ZFPM2: variants seen among roughly 807,000 people sequenced by gnomAD.
ZFPM2 encodes zinc finger protein, FOG family member 2.
A neutral mutation model predicts 98.6 loss-of-function variants in ZFPM2; 20 were observed. That is an observed-to-expected ratio of 0.20 (90% CI 0.14 to 0.29). The LOEUF (loss-of-function observed/expected upper bound fraction) is 0.29. ZFPM2 is among the 10% of genes least tolerant of loss of function. The pLI, the probability that ZFPM2 is intolerant of heterozygous loss-of-function variation, is 1.00. For missense variants in ZFPM2, 1,310 were observed against 1,388.6 expected (o/e 0.94, Z 0.90); for synonymous variants, 518 against 502.7 (o/e 1.03, Z -0.41).
At chr8:105,609,167 T>C (rs1002169010) in intron 4 of ZFPM2, among the ~76,000 whole-genome samples, 6 of 151,972 alleles carry the variant, frequency 3.9e-5, no homozygotes, top group African/African-American at 1.4e-4. Context: ...GCGAGGTTAA[T>C]TGGGAAATGC....
At chr8:105,669,706 A>T (rs1489593183) in intron 5 of ZFPM2, among the ~76,000 whole-genome samples, 3 of 152,112 alleles carry the variant, frequency 2.0e-5, no homozygotes, top group Admixed American at 1.3e-4. Context: ...GGCAATATTT[A>T]CAAATATTAT....
chr8:105,581,434 T>C (rs6995272), intron 4 of ZFPM2, among the ~76,000 whole-genome samples: 79,658 of 151,968 alleles, frequency 0.52, 21,168 homozygotes, highest in Middle Eastern at 0.69. Context: ...GCCCAAAGCT[T>C]AAAGAATAGA....
At chr8:105,428,392 G>C (rs1301155754) in intron 2 of ZFPM2, among the ~76,000 whole-genome samples, 2 of 152,148 alleles carry the variant, frequency 1.3e-5, no homozygotes, top group Non-Finnish European at 2.9e-5. Context: ...TGTAATAAGA[G>C]GAGTTGAGGT....
chr8:105,721,772 C>G (rs1375248930), intron 5 of ZFPM2, among the ~76,000 whole-genome samples: 2 of 151,912 alleles, frequency 1.3e-5, no homozygotes, highest in African/African-American at 4.8e-5. Flanking sequence ...AAGTAATTTT[C>G]TCAGAAAGAA....
At chr8:105,624,940 A>T (rs1379324480) in intron 4 of ZFPM2, among the ~76,000 whole-genome samples, 1 of 152,176 alleles carries the variant, frequency 6.6e-6, no homozygotes, top group Non-Finnish European at 1.5e-5. Context: ...GTCTCTTATC[A>T]TATTTGAGAT....
At chr8:105,549,150 CTCT>C (rs1306194843) in intron 3 of ZFPM2, among the ~76,000 whole-genome samples, 1 of 152,072 alleles carries the variant, frequency 6.6e-6, no homozygotes, top group Non-Finnish European at 1.5e-5. Context: ...TTTCCTCCTC[CTCT>C]TCTTCTTCAA....
chr8:105,512,493 A>G (rs1490019904), intron 3 of ZFPM2, among the ~76,000 whole-genome samples: 2 of 152,202 alleles, frequency 1.3e-5, no homozygotes, highest in African/African-American at 4.8e-5. Flanking sequence ...ATAATGTAAA[A>G]GATTAGTTTT....
intron 4 of ZFPM2, among the ~76,000 whole-genome samples, chr8:105,574,679 A>C (rs1815426913): frequency 6.6e-6 from 1 of 151,982 alleles, no homozygotes; most frequent in South Asian, 2.1e-4. Flanking sequence ...TTTAGCTTTT[A>C]TTAAGAAGTC....
chr8:105,546,985 G>GTATCA (rs1814721413), intron 3 of ZFPM2, among the ~76,000 whole-genome samples: 6 of 151,870 alleles, frequency 4.0e-5, no homozygotes, highest in African/African-American at 1.5e-4. Flanking sequence ...TTTTTGGGGA[G>GTATCA]GAGGTCAGAT....
At chr8:105,792,972 T>C (rs1302985950) in intron 6 of ZFPM2, among the ~76,000 whole-genome samples, 2 of 152,206 alleles carry the variant, frequency 1.3e-5, no homozygotes, top group Non-Finnish European at 2.9e-5. Context: ...TTTGAGCCTG[T>C]GTGTGTCTCT....
intron 4 of ZFPM2, among the ~76,000 whole-genome samples, chr8:105,584,529 A>G (rs1251280082): frequency 6.6e-6 from 1 of 152,188 alleles, no homozygotes. Context: ...TAAACTAAAG[A>G]CAACCCACTG....
At chr8:105,734,853 T>G (rs1812031358) in intron 5 of ZFPM2, among the ~76,000 whole-genome samples, 1 of 149,752 alleles carries the variant, frequency 6.7e-6, no homozygotes, top group African/African-American at 2.5e-5. Context: ...AAACTAGGTC[T>G]TAGAATGCCC....
At chr8:105,437,122 A>G (rs554940872) in intron 2 of ZFPM2, among the ~76,000 whole-genome samples, 2 of 152,136 alleles carry the variant, frequency 1.3e-5, no homozygotes, top group African/African-American at 2.4e-5. Context: ...TTCCTCTCCA[A>G]ATTTTTTTAT....
At chr8:105,615,174 G>GA (rs5893751) in intron 4 of ZFPM2, among the ~76,000 whole-genome samples, 30,511 of 147,054 alleles carry the variant, frequency 0.21, 3,083 homozygotes, top group South Asian at 0.25. Context: ...TTAATAACAT[G>GA]AAAAAAAAAA....
At chr8:105,735,618 A>G (rs1229200570) in intron 5 of ZFPM2, among the ~76,000 whole-genome samples, 1 of 129,398 alleles carries the variant, frequency 7.7e-6, no homozygotes, top group African/African-American at 3.2e-5. Context: ...TTTTTTGAAC[A>G]GACACAGTCA....
chr8:105,549,520 T>TTCCTTCCTTCCA (rs1554616193), intron 3 of ZFPM2, among the ~76,000 whole-genome samples: 2 of 96,244 alleles, frequency 2.1e-5, no homozygotes, highest in Admixed American at 2.3e-4. Context: ...CCCTCCCATC[T>TTCCTTCCTTCCA]TCCTTCCTTC....
At chr8:105,393,333 TTTG>T (rs1811148427) in intron 1 of ZFPM2, among the ~76,000 whole-genome samples, 1 of 92,930 alleles carries the variant, frequency 1.1e-5, no homozygotes, top group African/African-American at 4.2e-5. Context: ...TCTCTCTCTC[TTTG>T]CCTTTCTTTC....
At position 105,800,935 on chromosome 8, in the gene ZFPM2, G is replaced by C. The variant is rs1813980949; in HGVS notation, c.965-112G>C. 2.9e-6 allele frequency: 3 copies of C among 1,022,824 alleles called. No homozygotes were observed. In the South Asian group the frequency reaches 4.8e-5, roughly 16 times the overall value. 63.4% of individuals were successfully genotyped at this position (1,022,824 alleles called of 1,614,324 possible). On this transcript the variant is annotated intron_variant, in intron 7 of 7. Coordinates refer to ENST00000407775, the MANE Select transcript of ZFPM2 (RefSeq NM_012082.4). ...CAGTTAATATCACGAATGAAATTTT[G>C]AAAGATTTCATTCCTATTGTGTTGC...
At position 105,444,376 on chromosome 8, in the gene ZFPM2, G is replaced by C. The variant is rs1389590330; in HGVS notation, c.296G>C (p.Gly99Ala). The change falls in exon 3 of 8, where the codon GGA becomes GCA. Residue 99 changes from glycine (G) to alanine (A), a missense_variant. By Grantham distance (60) the Gly-to-Ala change is moderately conservative. Transcript: ENST00000407775. ...QPGVETDDWDGPGELEVFQKD... is the reference protein window; with the variant it reads ...QPGVETDDWDAPGELEVFQKD... ...GGAGTTGAGACAGACGACTGGGATG[G>C]ACCAGGTAGGGGAGAATATTTAAAA... 1 of 1,609,018 alleles carries C rather than the reference G, an allele frequency of 6.2e-7. No homozygotes were observed. The highest frequency in any genetic ancestry group is 1.1e-5 in the South Asian group (1 of 90,034).
Sources: allele counts gnomAD v4.1 joint callset (sites outside exome capture counted in the v4.1 genomes callset), GRCh38; gene constraint gnomAD v4.1.1; transcripts MANE v1.5; gene names NCBI Gene and HGNC (gene_info 2026-07-23, HGNC 2026-07-21).